The following DFFA variants were observed in gnomAD, a reference collection of about 807,000 sequenced individuals.
DFFA encodes the protein DFF45.
In DFFA, 14 loss-of-function variants were observed where a neutral mutation model predicts 28.0. That is an observed-to-expected ratio of 0.50 (90% CI 0.33 to 0.78). The LOEUF is 0.78. DFFA is among the 30% of genes least tolerant of loss of function. The probability of loss-of-function intolerance (pLI) is 0.02; values close to 1 mark genes in which losing one functional copy is unlikely to be tolerated. For synonymous variants in DFFA, 158 were observed against 170.3 expected (o/e 0.93, Z 0.56); for missense variants, 395 against 407.1 (o/e 0.97, Z 0.26).
rs1641109879 is a variant in DFFA at position 10,472,313 on chromosome 1, C to T, written c.136+10G>A. 1 of 1,579,370 alleles carries T rather than the reference C, an allele frequency of 6.3e-7. No homozygotes were observed. Among genetic ancestry groups the T allele is most frequent in the Non-Finnish European group, 8.6e-7 (1 of 1,158,774 alleles). On this transcript the variant is annotated intron_variant, in intron 1 of 5. Transcript: ENST00000377038. This position sits in a 1 kb window ranked among gnomAD's most constrained non-coding sequence, Gnocchi z 5.0. ...CTCCCCCACACCCTCGCCCGGGGTC[C>T]CGAGCCAACCCTTGCTCCTCAGGTC...
rs534844556 is a variant in DFFA at position 10,459,077 on chromosome 1, C to G, written c.*2413G>C. 9 of 151,888 alleles carry G rather than the reference C, an allele frequency of 5.9e-5. No individual in the cohort carries two copies. Among genetic ancestry groups the G allele is most frequent in the African/African-American group, 2.2e-4 (9 of 41,372 alleles). The allele number at this position is 151,888 out of a possible 1,614,324, so 9.4% of individuals were successfully genotyped here. A position where few individuals can be genotyped will look rare whatever the true frequency, so the allele number is the denominator to read the frequency against. ...CCATGTTGGCTAGGCTGGTCTCGAA[C>G]TCCTGACCTCAGGTGATCCGCCCAC... On this transcript the variant is annotated 3_prime_UTR_variant, in exon 6 of 6. Transcript: ENST00000377038.
intron 5 of DFFA, chr1:10,462,741 T>C: frequency 8.4e-7 from 1 of 1,190,460 alleles, no homozygotes; most frequent in Non-Finnish European, 1.1e-6. Flanking sequence ...AGATCTTCTC[T>C]GACCATGGAA....
chr1:10,463,370 C>T, intron 4 of DFFA, 61 bp downstream of exon 4: 1 of 1,563,662 alleles, frequency 6.4e-7, no homozygotes, highest in Non-Finnish European at 8.7e-7. Flanking sequence ...TAGTGTCCTC[C>T]CAAGGGACGC....
At chr1:10,468,150 C>T (rs935341275) in intron 2 of DFFA, among the ~76,000 whole-genome samples, 7 of 151,752 alleles carry the variant, frequency 4.6e-5, no homozygotes, top group Non-Finnish European at 1.0e-4. Flanking sequence ...TTAAGTCCCT[C>T]CCTAAAACTA....
At position 10,469,305 on chromosome 1, in the gene DFFA, GTCAGGGACTTA is replaced by G; in HGVS notation, c.159_169del (p.Lys54ThrfsTer15). The stretch of plus-strand genomic sequence containing the variant: ...CTCTGCCAGGACCAGGGTGACTGGT[GTCAGGGACTTA>G]TCAATGGCCAGAATGTCACAGGCTG... On this transcript the variant is annotated frameshift_variant, in exon 2 of 6. Coordinates refer to ENST00000377038, the MANE Select transcript of DFFA (RefSeq NM_004401.3). LOFTEE classifies it high-confidence loss of function. The G allele has an allele frequency of 1.9e-6, 3 of 1,614,086 alleles. No individual in the cohort carries two copies. The highest frequency in any genetic ancestry group is 2.5e-6 in the Non-Finnish European group (3 of 1,179,992).
In DFFA at chr1:10,469,264, C is replaced by A; in HGVS notation, c.211G>T (p.Asp71Tyr). The A allele has an allele frequency of 1.2e-6, 2 of 1,614,192 alleles. No individual in the cohort carries two copies. The highest frequency in any genetic ancestry group is 1.7e-6 in the Non-Finnish European group (2 of 1,180,012). Residue 71 changes from aspartate to tyrosine, a missense_variant, in exon 2 of 6, where the codon GAT (aspartate) becomes TAT (tyrosine). Physicochemically the swap from Asp to Tyr is radical, Grantham distance 160 (BLOSUM62 -3). Coordinates refer to ENST00000377038, the MANE Select transcript of DFFA (RefSeq NM_004401.3). ...AGACACAGAAAGTAATCGTCATCAT[C>A]CACTATGGTGCCATCCTCTGCCAGG... ...LVLAEDGTIV[D>Y]DDDYFLCLPS... is the part of the protein sequence containing the mutation.
intron 2 of DFFA, among the ~76,000 whole-genome samples, chr1:10,467,560 G>GA (rs777465527): frequency 2.0e-5 from 3 of 151,330 alleles, no homozygotes; most frequent in Non-Finnish European, 4.4e-5. Context: ...GCCCAGGCTG[G>GA]AGTGCAGTGG....
intron 5 of DFFA, chr1:10,462,685 A>G (rs1640964526): frequency 9.6e-7 from 1 of 1,043,984 alleles, no homozygotes; most frequent in Non-Finnish European, 1.2e-6. Flanking sequence ...CGATCCCCTC[A>G]AGTTTGCCTT....
chr1:10,463,378 C>T lies in DFFA; in HGVS notation c.631+53G>A, dbSNP rs779888656. 1.2e-5 allele frequency: 19 copies of T among 1,566,164 alleles called. No individual in the cohort carries two copies. The Admixed American group carries it at 1.3e-4, about 10-fold the overall frequency. On this transcript the variant is annotated intron_variant, in intron 4 of 5. Transcript: ENST00000377038. ...TCACAAATAGTGTCCTCCCAAGGGACGCCTCCATCAGCCCTGAATTCTCAG... is the reference window on the plus strand; with the variant it reads ...TCACAAATAGTGTCCTCCCAAGGGATGCCTCCATCAGCCCTGAATTCTCAG...
In DFFA at chr1:10,467,299, A is replaced by G. The variant is rs1199381083; in HGVS notation, c.332T>C (p.Phe111Ser). Residue 111 changes from phenylalanine (F) to serine (S), a missense_variant, in exon 3 of 6, where the codon TTT (phenylalanine) becomes TCT (serine). Phe to Ser is a radical substitution (Grantham distance 155). Transcript: ENST00000377038. Reference sequence around the variant, plus strand: ...CCCGCTGTCTGTTTCATCTACATCAAAGGACTCTTGGGAAATCCAAGCTGT... The same window carrying G: ...CCCGCTGTCTGTTTCATCTACATCAGAGGACTCTTGGGAAATCCAAGCTGT... ...GGTAWISQESFDVDETDSGAG... is the reference protein window; with the variant it reads ...GGTAWISQESSDVDETDSGAG... The G allele has an allele frequency of 2.5e-6, 4 of 1,614,152 alleles. No homozygotes were observed. The highest frequency in any genetic ancestry group is 3.4e-6 in the Non-Finnish European group (4 of 1,180,028).
At position 10,459,280 on chromosome 1, in the gene DFFA, A is replaced by C. The variant is rs2124334288; in HGVS notation, c.*2210T>G. ...GACTCATCACCTTTTCCCTGCAAGG[A>C]GTGTACTGTAGATTACCAAACCTGC... On this transcript the variant is annotated 3_prime_UTR_variant, in exon 6 of 6. Transcript: ENST00000377038. 1 of 152,360 alleles carries C rather than the reference A, an allele frequency of 6.6e-6. No homozygotes were observed. Among genetic ancestry groups the C allele is most frequent in the Non-Finnish European group, 1.5e-5 (1 of 68,052 alleles). 9.4% of individuals were successfully genotyped at this position (152,360 alleles called of 1,614,324 possible). A position where few individuals can be genotyped will look rare whatever the true frequency, so the allele number is the denominator to read the frequency against.
rs1309940075 is a variant in DFFA at position 10,472,151 on chromosome 1, C to T, written c.136+172G>A. 6.9e-6 allele frequency: 5 copies of T among 725,648 alleles called. No homozygotes were observed. In the East Asian group the frequency reaches 1.6e-4, roughly 24 times the overall value. 45.0% of individuals were successfully genotyped at this position (725,648 alleles called of 1,614,324 possible). On this transcript the variant is annotated intron_variant, in intron 1 of 5. Coordinates refer to ENST00000377038, the MANE Select transcript of DFFA (RefSeq NM_004401.3). The surrounding 1 kb of genome is among the most constrained non-coding windows in gnomAD (Gnocchi z 5.0). ...AGTCTCACACGAGATTAATTACGCTCAAGCGCCTTAAATCTGTAAATCGCT... is the reference window on the plus strand; with the variant it reads ...AGTCTCACACGAGATTAATTACGCTTAAGCGCCTTAAATCTGTAAATCGCT...
chr1:10,461,747 CCTCTCCTGCTG>C (rs765233935), intron 5 of DFFA, 45 bp from the exon 6 acceptor site: 1 of 1,606,408 alleles, frequency 6.2e-7, no homozygotes, highest in Admixed American at 1.7e-5. Context: ...CTTCTGTGCG[CCTCTCCTGCTG>C]CTCTCCTGAC....
intron 5 of DFFA, chr1:10,461,992 CT>C (rs1640949716): frequency 2.7e-6 from 1 of 367,998 alleles, no homozygotes; most frequent in Non-Finnish European, 3.8e-6. Context: ...GTAGCTGGGA[CT>C]ACAGGTGCCC....
intron 3 of DFFA, among the ~76,000 whole-genome samples, chr1:10,465,067 C>A (rs1397195085): frequency 6.6e-6 from 1 of 151,686 alleles, no homozygotes; most frequent in African/African-American, 2.4e-5. Flanking sequence ...GCCTAGGCAA[C>A]CTGTGAAGAC....
At position 10,463,083 on chromosome 1, in the gene DFFA, A is replaced by C; in HGVS notation, c.758T>G (p.Leu253Arg). 1 of 1,614,118 alleles carries C rather than the reference A, an allele frequency of 6.2e-7. No individual in the cohort carries two copies. Among genetic ancestry groups the C allele is most frequent in the Non-Finnish European group, 8.5e-7 (1 of 1,180,008 alleles). Residue 253 changes from leucine to arginine, a missense_variant, in exon 5 of 6, where the codon CTG (leucine) becomes CGG (arginine). Physicochemically the swap from Leu to Arg is moderately radical, Grantham distance 102. Coordinates refer to ENST00000377038, the MANE Select transcript of DFFA (RefSeq NM_004401.3). ...TALREKQAPE[L>R]SLSSQDLELV... ...CTCCAAATCCTGACTAGATAAGCTCAGCTCTGGAGCCTGCTTCTCCCTCAG... is the reference window on the plus strand; with the variant it reads ...CTCCAAATCCTGACTAGATAAGCTCCGCTCTGGAGCCTGCTTCTCCCTCAG...
chr1:10,464,751 T>A (rs1449608357), intron 3 of DFFA, among the ~76,000 whole-genome samples: 1 of 152,030 alleles, frequency 6.6e-6, no homozygotes, highest in Non-Finnish European at 1.5e-5. Flanking sequence ...CACCAAGAAA[T>A]CATTTCCTCA....
chr1:10,466,348 C>A (rs1485927778), intron 3 of DFFA, among the ~76,000 whole-genome samples: 1 of 151,988 alleles, frequency 6.6e-6, no homozygotes, highest in African/African-American at 2.4e-5. Context: ...CACCACCAGG[C>A]CCGGCTAATT....
chr1:10,465,865 T>C (rs2124343932), intron 3 of DFFA, among the ~76,000 whole-genome samples: 1 of 151,856 alleles, frequency 6.6e-6, no homozygotes, highest in East Asian at 1.9e-4. Flanking sequence ...CTAATTTTTG[T>C]AGAGATAGGG....
Sources: gnomAD v4.1 joint callset for allele counts (sites outside exome capture counted in the v4.1 genomes callset) on GRCh38, gnomAD v4.1.1 for gene constraint, Gnocchi (gnomAD v3.1) non-coding constraint, MANE v1.5 for transcripts, NCBI Gene and HGNC (gene_info 2026-07-23, HGNC 2026-07-21) for gene names.